The following FAM184A variants were observed in gnomAD, a reference collection of about 807,000 sequenced individuals.
The protein encoded by FAM184A is family with sequence similarity 184 member A.
FAM184A carries 99 observed loss-of-function variants against 143.8 expected under a neutral mutation model. The observed-to-expected ratio is 0.69, with a 90% CI of 0.58 to 0.81. The LOEUF (loss-of-function observed/expected upper bound fraction) is 0.81. FAM184A is among the 40% of genes least tolerant of loss of function. The pLI is 0.00. For missense variants in FAM184A, 1,217 were observed against 1,310.5 expected (o/e 0.93, Z 1.10); for synonymous variants, 427 against 446.4 (o/e 0.96, Z 0.55).
At chr6:119,015,604 C>A (rs1785219974) in intron 5 of FAM184A, among the ~76,000 whole-genome samples, 1 of 152,234 alleles carries the variant, frequency 6.6e-6, no homozygotes, top group Non-Finnish European at 1.5e-5. Flanking sequence ...CCTGAGCCTT[C>A]CCCCGCCTCC....
intron 14 of FAM184A, among the ~76,000 whole-genome samples, chr6:118,970,884 A>G (rs1783675891): frequency 6.6e-6 from 1 of 152,220 alleles, no homozygotes; most frequent in Non-Finnish European, 1.5e-5. Context: ...GGCCTAAATT[A>G]CAAATGCCTA....
intron 14 of FAM184A, among the ~76,000 whole-genome samples, chr6:118,970,008 A>ATATATATATATTTTTTTTTT: frequency 5.2e-5 from 1 of 19,052 alleles, no homozygotes; most frequent in Non-Finnish European, 1.1e-4. Context: ...ATATATATAT[A>ATATATATATATTTTTTTTTT]TTTTTTTTTT....
intron 1 of FAM184A, among the ~76,000 whole-genome samples, chr6:119,040,317 G>A (rs1786279118): frequency 6.6e-6 from 1 of 152,164 alleles, no homozygotes; most frequent in African/African-American, 2.4e-5. Flanking sequence ...CCGTGACTTG[G>A]ATACCTTCCT....
intron 1 of FAM184A, among the ~76,000 whole-genome samples, chr6:119,033,762 T>G (rs1785982923): frequency 6.7e-6 from 1 of 150,334 alleles, no homozygotes; most frequent in Non-Finnish European, 1.5e-5. Flanking sequence ...GAGGCCCAGA[T>G]GGGTGGATCA....
chr6:119,002,033 A>C (rs1026735998), intron 9 of FAM184A, among the ~76,000 whole-genome samples: 7 of 152,166 alleles, frequency 4.6e-5, no homozygotes, highest in Admixed American at 1.3e-4. Flanking sequence ...GTAACATTAT[A>C]ATTATGAGAT....
intron 1 of FAM184A, among the ~76,000 whole-genome samples, chr6:119,114,588 C>T (rs1789011353): frequency 1.3e-5 from 2 of 152,214 alleles, no homozygotes; most frequent in South Asian, 4.1e-4. Flanking sequence ...GTCGCCCAGG[C>T]TGCAGTGCAG....
intron 1 of FAM184A, among the ~76,000 whole-genome samples, chr6:119,061,531 C>CTTTTTTTTTTTTTTTTTTTTTTTT (rs977029986): frequency 1.7e-5 from 1 of 58,530 alleles, no homozygotes; most frequent in Non-Finnish European, 3.2e-5. Flanking sequence ...AATTATTTTT[C>CTTTTTTTTTTTTTTTTTTTTTTTT]TTTTTTTTTT....
chr6:119,090,040 A>C (rs1788328293), intron 1 of FAM184A, among the ~76,000 whole-genome samples: 1 of 152,152 alleles, frequency 6.6e-6, no homozygotes, highest in South Asian at 2.1e-4. Context: ...AACACAGCCA[A>C]CCCTTTCTAT....
Position 119,024,294 on chromosome 6 carries a change from C to T in FAM184A, c.679G>A (p.Val227Met), listed in dbSNP as rs1177274814. 3.1e-6 allele frequency: 5 copies of T among 1,614,216 alleles called. No homozygotes were observed. In the East Asian group the frequency reaches 6.7e-5, roughly 22 times the overall value. Reference sequence around the variant, plus strand: ...TCAAGCATTTTGTTTAGGGACTCCACCTCCATTCTGTGTAGTTCCTCTGCC... The same window carrying T: ...TCAAGCATTTTGTTTAGGGACTCCATCTCCATTCTGTGTAGTTCCTCTGCC... ...EKAEELHRME[V>M]ESLNKMLEEL... Residue 227 changes from valine to methionine, a missense_variant, in exon 2 of 18, where the codon GTG becomes ATG. Val to Met is a conservative substitution (Grantham distance 21). Coordinates refer to ENST00000338891, the MANE Select transcript of FAM184A (RefSeq NM_024581.6).
chr6:118,970,008 A>T lies in FAM184A; in HGVS notation c.2916-3056T>A, dbSNP rs868663910. Among the ~76,000 whole-genome samples, 289 of 19,046 alleles carry T rather than the reference A, an allele frequency of 0.015. 76 individuals are homozygous for T. The East Asian group carries it at 0.17, about 11-fold the overall frequency. 12.5% of individuals were successfully genotyped at this position (19,046 alleles called of 152,430 possible). ...ATATATATATAATATATATATATATATTTTTTTTTTTTTGAGATGGAGTTT... is the reference window on the plus strand; with the variant it reads ...ATATATATATAATATATATATATATTTTTTTTTTTTTTTGAGATGGAGTTT... On this transcript the variant is annotated intron_variant, in intron 14 of 17. Coordinates refer to ENST00000338891, the MANE Select transcript of FAM184A (RefSeq NM_024581.6).
rs576326000 is a variant in FAM184A, at chr6:119,045,110, T to C, written c.160-20297A>G. 3.4e-4 allele frequency among the ~76,000 whole-genome samples: 52 copies of C among 152,310 alleles called. 1 individual carries two copies. Among genetic ancestry groups the C allele is most frequent in the African/African-American group, 1.2e-3 (50 of 41,564 alleles). On this transcript the variant is annotated intron_variant, in intron 1 of 17. Transcript: ENST00000338891. Reference sequence around the variant, plus strand: ...TCATCCATTCAAGGATTGCTGATATTCTTAGGCAGAAGGGAAGTGAAGCCA... The same window carrying C: ...TCATCCATTCAAGGATTGCTGATATCCTTAGGCAGAAGGGAAGTGAAGCCA...
chr6:118,971,865 G>GAAA (rs1554264660), intron 14 of FAM184A, among the ~76,000 whole-genome samples: 6 of 151,166 alleles, frequency 4.0e-5, no homozygotes, highest in African/African-American at 1.5e-4. Context: ...AGGAGCAGAA[G>GAAA]CAAGAAGCTG....
At chr6:118,997,110 TA>T (rs1439820300) in intron 9 of FAM184A, among the ~76,000 whole-genome samples, 1 of 151,540 alleles carries the variant, frequency 6.6e-6, no homozygotes, top group Non-Finnish European at 1.5e-5. Context: ...AGTTGAAAGG[TA>T]GTGGTATGGC....
intron 1 of FAM184A, among the ~76,000 whole-genome samples, chr6:119,042,236 G>T (rs73767230): frequency 0.045 from 6,787 of 152,230 alleles, 354 homozygotes; most frequent in African/African-American, 0.13. Flanking sequence ...CCTCATCCAG[G>T]ATAATGGGAA....
chr6:119,118,469 A>T (rs768671562), intron 1 of FAM184A, among the ~76,000 whole-genome samples: 7 of 152,176 alleles, frequency 4.6e-5, no homozygotes, highest in Non-Finnish European at 8.8e-5. Flanking sequence ...GAAGTCAGGG[A>T]CCCCAAACAG....
At chr6:119,046,716 A>G (rs1786549629) in intron 1 of FAM184A, among the ~76,000 whole-genome samples, 1 of 152,212 alleles carries the variant, frequency 6.6e-6, no homozygotes, top group Non-Finnish European at 1.5e-5. Context: ...ATATGACACC[A>G]CAGTCTTGCT....
At chr6:119,102,312 C>A (rs1032333697) in intron 1 of FAM184A, among the ~76,000 whole-genome samples, 2 of 152,032 alleles carry the variant, frequency 1.3e-5, no homozygotes, top group Non-Finnish European at 2.9e-5. Flanking sequence ...TTCTTAATTC[C>A]CCCCAATTAT....
At chr6:119,090,377 T>C (rs951920550) in intron 1 of FAM184A, among the ~76,000 whole-genome samples, 4 of 152,220 alleles carry the variant, frequency 2.6e-5, no homozygotes, top group African/African-American at 9.7e-5. Flanking sequence ...GGTTATTCAA[T>C]GTGAGCTTAG....
intron 2 of FAM184A, among the ~76,000 whole-genome samples, chr6:119,023,321 C>G (rs551283400): frequency 6.6e-6 from 1 of 152,082 alleles, no homozygotes; most frequent in Admixed American, 6.5e-5. Context: ...AAAAACATGG[C>G]TATGAAATTT....
Sources: allele counts gnomAD v4.1 joint callset (sites outside exome capture counted in the v4.1 genomes callset), GRCh38; gene constraint gnomAD v4.1.1; transcripts MANE v1.5; gene names NCBI Gene and HGNC (gene_info 2026-07-23, HGNC 2026-07-21).